FERMT2: variants seen among roughly 807,000 people sequenced by gnomAD.
The protein encoded by FERMT2 is FERM domain containing kindlin 2.
A neutral mutation model predicts 82.7 loss-of-function variants in FERMT2; 15 were observed. That is an observed-to-expected ratio of 0.18 (90% CI 0.12 to 0.28). The LOEUF is 0.28. Among genes scored for constraint, FERMT2 ranks in the 10% least tolerant of loss-of-function variants. FERMT2 has a pLI of 1.00. For missense variants in FERMT2, 645 were observed against 809.4 expected, an observed-to-expected ratio of 0.80 and a Z score of 2.46; for synonymous variants, 274 against 271.5, an observed-to-expected ratio of 1.01 and a Z score of -0.09.
chr14:52,897,002 AC>A (rs1887305868), intron 3 of FERMT2, among the ~76,000 whole-genome samples: 1 of 2,244 alleles, frequency 4.5e-4, no homozygotes, highest in Non-Finnish European at 0.01. Flanking sequence ...CAAATAAAAC[AC>A]ACACACACAC....
At chr14:52,860,053 GT>G (rs1330097137) in intron 13 of FERMT2, 2 of 305,400 alleles carry the variant, frequency 6.5e-6, no homozygotes, top group East Asian at 1.3e-4. Flanking sequence ...TCCTGACCTC[GT>G]GATCCACCCA....
chr14:52,909,887 T>C lies in FERMT2; in HGVS notation c.391+9236A>G, dbSNP rs1319062042. 3.9e-5 allele frequency among the ~76,000 whole-genome samples: 6 copies of C among 152,088 alleles called. No homozygotes were observed. In the East Asian group the frequency reaches 9.7e-4, roughly 25 times the overall value. On this transcript the variant is annotated intron_variant, in intron 3 of 14. Transcript: ENST00000341590. The stretch of plus-strand genomic sequence containing the variant: ...GGCAAACATGGTGAAACCCTGTCTC[T>C]ACTAAAAATACAAAAATTAGCTGGG...
Position 52,858,043 on chromosome 14 carries a change from C to G in FERMT2, c.*334G>C, listed in dbSNP as rs1448775095. 1.2e-5 allele frequency: 3 copies of G among 244,886 alleles called. No homozygotes were observed. The highest frequency in any genetic ancestry group is 4.4e-5 in the African/African-American group (2 of 45,174). The allele number at this position is 244,886 out of a possible 1,614,324, so 15.2% of individuals were successfully genotyped here. A position where few individuals can be genotyped will look rare whatever the true frequency, so the allele number is the denominator to read the frequency against. ...ATAAATAGAGTTCATATAGGTTAAG[C>G]CCTGGATAGCTTTAAAATAGATGGC... On this transcript the variant is annotated 3_prime_UTR_variant, in exon 15 of 15. Transcript: ENST00000341590.
At chr14:52,945,841 C>T (rs1007944485) in intron 2 of FERMT2, among the ~76,000 whole-genome samples, 3 of 152,158 alleles carry the variant, frequency 2.0e-5, no homozygotes, top group African/African-American at 7.2e-5. Flanking sequence ...TTTAATTGTA[C>T]ACATAAGTTT....
chr14:52,901,391 T>C (rs1887640900), intron 3 of FERMT2, among the ~76,000 whole-genome samples: 1 of 151,560 alleles, frequency 6.6e-6, no homozygotes, highest in South Asian at 2.1e-4. Flanking sequence ...AAGTTTAATA[T>C]CCCTACCCAT....
At chr14:52,897,591 T>C (rs1230748706) in intron 3 of FERMT2, among the ~76,000 whole-genome samples, 1 of 152,202 alleles carries the variant, frequency 6.6e-6, no homozygotes, top group Non-Finnish European at 1.5e-5. Context: ...TATATAAACA[T>C]TGTCCATGTT....
At chr14:52,911,734 T>C (rs1297548958) in intron 3 of FERMT2, among the ~76,000 whole-genome samples, 1 of 152,012 alleles carries the variant, frequency 6.6e-6, no homozygotes, top group Non-Finnish European at 1.5e-5. Context: ...TACCCTTCCC[T>C]CTTTTCTAAC....
chr14:52,866,948 CACT>C (rs964853984), intron 10 of FERMT2, among the ~76,000 whole-genome samples: 20 of 152,246 alleles, frequency 1.3e-4, no homozygotes, highest in Non-Finnish European at 2.8e-4. Context: ...CCCTCTCAGA[CACT>C]ACATTTCCTT....
chr14:52,884,161 T>G (rs1886451752), intron 4 of FERMT2, among the ~76,000 whole-genome samples: 1 of 152,250 alleles, frequency 6.6e-6, no homozygotes, highest in Admixed American at 6.5e-5. Context: ...GTTGTTCTTA[T>G]TTGTTCTGTA....
intron 2 of FERMT2, among the ~76,000 whole-genome samples, chr14:52,935,012 G>C (rs1448615891): frequency 1.3e-5 from 2 of 152,148 alleles, no homozygotes; most frequent in African/African-American, 4.8e-5. Context: ...TGAAGAGTTA[G>C]CCAGCAAGTT....
intron 4 of FERMT2, among the ~76,000 whole-genome samples, chr14:52,892,177 T>TTG (rs1159140914): frequency 6.8e-6 from 1 of 148,090 alleles, no homozygotes; most frequent in Non-Finnish European, 1.5e-5. Flanking sequence ...TTTTTTTTTT[T>TTG]TTTTTTTTTT....
intron 3 of FERMT2, among the ~76,000 whole-genome samples, chr14:52,907,656 G>A (rs1166088110): frequency 6.6e-6 from 1 of 151,984 alleles, no homozygotes; most frequent in African/African-American, 2.4e-5. Context: ...AAGGTAGGCT[G>A]AATAAGTTAA....
chr14:52,912,022 T>A (rs931511334), intron 3 of FERMT2, among the ~76,000 whole-genome samples: 2 of 147,836 alleles, frequency 1.4e-5, no homozygotes, highest in Admixed American at 6.8e-5. Context: ...TTCTTCATGA[T>A]GTTAAGTAGA....
At chr14:52,879,225 G>A (rs1158668445) in intron 6 of FERMT2, among the ~76,000 whole-genome samples, 4 of 152,030 alleles carry the variant, frequency 2.6e-5, no homozygotes, top group Admixed American at 2.6e-4. Flanking sequence ...ATATACTTGT[G>A]GAAAATGTTT....
chr14:52,892,166 G>GTTTTTTTTTTTT (rs10547747), intron 4 of FERMT2, among the ~76,000 whole-genome samples: 5 of 128,828 alleles, frequency 3.9e-5, no homozygotes, highest in East Asian at 2.3e-4. Flanking sequence ...GCTGTTTTTT[G>GTTTTTTTTTTTT]TTTTTTTTTT....
Position 52,857,286 on chromosome 14 carries a change from T to C in FERMT2, c.*1091A>G, listed in dbSNP as rs932492732. Reference sequence around the variant, plus strand: ...CAAAAATAAATATTAAATAAAAGTTTTGCTTTTATTTAAAATAAAATGCAT... The same window carrying C: ...CAAAAATAAATATTAAATAAAAGTTCTGCTTTTATTTAAAATAAAATGCAT... On this transcript the variant is annotated 3_prime_UTR_variant, in exon 15 of 15. Transcript: ENST00000341590. 2 of 152,674 alleles carry C rather than the reference T, an allele frequency of 1.3e-5. No individual in the cohort carries two copies. The highest frequency in any genetic ancestry group is 2.9e-5 in the Non-Finnish European group (2 of 68,046). The allele number at this position is 152,674 out of a possible 1,614,324, so 9.5% of individuals were successfully genotyped here.
chr14:52,891,727 G>A (rs1039818633), intron 4 of FERMT2, among the ~76,000 whole-genome samples: 1 of 152,156 alleles, frequency 6.6e-6, no homozygotes, highest in Non-Finnish European at 1.5e-5. Flanking sequence ...GATTAATTTA[G>A]ATATTTGCTG....
At chr14:52,874,868 C>T (rs1255060241) in intron 8 of FERMT2, among the ~76,000 whole-genome samples, 2 of 152,116 alleles carry the variant, frequency 1.3e-5, no homozygotes, top group Non-Finnish European at 2.9e-5. Context: ...TCAGACTAGA[C>T]AACACAGTGA....
intron 2 of FERMT2, among the ~76,000 whole-genome samples, chr14:52,922,460 C>G (rs1487907340): frequency 1.5e-5 from 2 of 137,310 alleles, no homozygotes; most frequent in African/African-American, 2.7e-5. Flanking sequence ...CTGTTACAGC[C>G]TGAAAGGAAT....
Sources: allele counts gnomAD v4.1 joint callset (sites outside exome capture counted in the v4.1 genomes callset), GRCh38; gene constraint gnomAD v4.1.1; transcripts MANE v1.5; gene names NCBI Gene and HGNC (gene_info 2026-07-23, HGNC 2026-07-21).